Variants in CACNA2D2 observed in about 807,000 individuals in gnomAD.
CACNA2D2 encodes calcium voltage-gated channel auxiliary subunit alpha2delta 2.
Under a neutral mutation model 166.4 loss-of-function variants are expected in CACNA2D2, and 48 were observed. The ratio of observed to expected loss-of-function variants is 0.29; its 90% CI spans 0.23 to 0.37. CACNA2D2 has a LOEUF of 0.37. Among genes scored for constraint, CACNA2D2 ranks in the 10% least tolerant of loss-of-function variants. CACNA2D2 has a pLI of 1.00. For missense variants in CACNA2D2, 1,122 were observed against 1,433.0 expected, an observed-to-expected ratio of 0.78 and a Z score of 3.50; for synonymous variants, 561 against 573.7, an observed-to-expected ratio of 0.98 and a Z score of 0.32.
In CACNA2D2 at chr3:50,401,644, TAAAA is replaced by T. The variant is rs375253255; in HGVS notation, c.406-7480_406-7477del. On this transcript the variant is annotated intron_variant, in intron 3 of 37. Transcript: ENST00000424201. The stretch of plus-strand genomic sequence containing the variant: ...TTGTATTTTGCCAAGAGAGGACACT[TAAAA>T]AAACTCCCACTCTCTCTTATTACTG... Among the ~76,000 whole-genome samples, 190 of 152,208 alleles carry T rather than the reference TAAAA, an allele frequency of 1.2e-3. 1 individual carries two copies. Among genetic ancestry groups the T allele is most frequent in the African/African-American group, 4.2e-3 (175 of 41,536 alleles).
chr3:50,399,136 C>T (rs1706311700), intron 3 of CACNA2D2, among the ~76,000 whole-genome samples: 1 of 152,138 alleles, frequency 6.6e-6, no homozygotes, highest in African/African-American at 2.4e-5. Flanking sequence ...GGTGCCCCCA[C>T]CTTCTTAGAT....
At chr3:50,439,697 G>A (rs576388571) in intron 2 of CACNA2D2, among the ~76,000 whole-genome samples, 1 of 152,234 alleles carries the variant, frequency 6.6e-6, no homozygotes, top group African/African-American at 2.4e-5. Context: ...CCCTGGGGAG[G>A]GAACCACCTC....
intron 4 of CACNA2D2, among the ~76,000 whole-genome samples, chr3:50,391,517 G>A (rs1413304330): frequency 1.3e-5 from 2 of 152,240 alleles, no homozygotes; most frequent in Non-Finnish European, 2.9e-5. Flanking sequence ...GGCACTGCCT[G>A]CTAATCAGGG....
intron 2 of CACNA2D2, among the ~76,000 whole-genome samples, chr3:50,453,061 C>T (rs933718582): frequency 6.6e-6 from 1 of 152,184 alleles, no homozygotes; most frequent in African/African-American, 2.4e-5. Context: ...AGAGAGAAGG[C>T]TCAGTTCTCT....
At chr3:50,431,735 A>G (rs1261219025) in intron 3 of CACNA2D2, among the ~76,000 whole-genome samples, 1 of 152,146 alleles carries the variant, frequency 6.6e-6, no homozygotes, top group Non-Finnish European at 1.5e-5. Context: ...CTGTAATCCC[A>G]GCACTTTGGG....
intron 2 of CACNA2D2, among the ~76,000 whole-genome samples, chr3:50,461,042 G>C (rs984108603): frequency 4.0e-5 from 6 of 150,958 alleles, no homozygotes; most frequent in Non-Finnish European, 7.4e-5. Context: ...AATGAGAAGG[G>C]AGGAAACAGT....
chr3:50,393,081 G>C (rs570922976), intron 4 of CACNA2D2, among the ~76,000 whole-genome samples: 2 of 152,262 alleles, frequency 1.3e-5, no homozygotes, highest in East Asian at 1.9e-4. Context: ...GCATAGGCAT[G>C]AGCCCCTGAC....
intron 1 of CACNA2D2, among the ~76,000 whole-genome samples, chr3:50,480,553 C>T (rs1292479404): frequency 1.3e-5 from 2 of 151,746 alleles, no homozygotes; most frequent in Non-Finnish European, 2.9e-5. Flanking sequence ...AGATGACACC[C>T]TGAGTTGCAG....
chr3:50,373,449 G>A (rs1040169222), intron 22 of CACNA2D2, among the ~76,000 whole-genome samples: 1 of 143,084 alleles, frequency 7.0e-6, no homozygotes, highest in Non-Finnish European at 1.5e-5. Flanking sequence ...AGGGCATGCA[G>A]GGGTGAGCCA....
chr3:50,371,032 G>A (rs1250365861), intron 22 of CACNA2D2, among the ~76,000 whole-genome samples: 1 of 152,114 alleles, frequency 6.6e-6, no homozygotes, highest in Non-Finnish European at 1.5e-5. Flanking sequence ...TGCATTGTCG[G>A]GGCTGGTGGT....
intron 3 of CACNA2D2, among the ~76,000 whole-genome samples, chr3:50,431,333 C>G (rs754823271): frequency 6.6e-6 from 1 of 152,102 alleles, no homozygotes; most frequent in Admixed American, 6.5e-5. Context: ...CCTCCCCCTC[C>G]TCTGGGGATA....
chr3:50,492,439 G>A (rs968510154), intron 1 of CACNA2D2, among the ~76,000 whole-genome samples: 5 of 152,232 alleles, frequency 3.3e-5, no homozygotes, highest in Non-Finnish European at 7.3e-5. Flanking sequence ...TGAGGGCAGT[G>A]GCTGCTCCCC....
Position 50,378,015 on chromosome 3 carries a change from T to C in CACNA2D2, c.1472A>G (p.Asp491Gly). 6.2e-7 allele frequency: 1 copy of C among 1,613,626 alleles called. No homozygotes were observed. The highest frequency in any genetic ancestry group is 8.5e-7 in the Non-Finnish European group (1 of 1,179,920). Residue 491 changes from aspartate to glycine, a missense_variant, in exon 15 of 38, where the codon GAT becomes GGT. Asp to Gly is a moderately conservative substitution (Grantham distance 94). Transcript: ENST00000424201. ...CTTGTCCAGAGGCCTTACCAGTGCA[T>C]CCTCATACACGTTGGTCCACTGCAC... is the stretch of plus-strand genomic sequence containing the variant. ...KQVQWTNVYEDALGLGLVVTG... is the reference protein window; with the variant it reads ...KQVQWTNVYEGALGLGLVVTG...
At chr3:50,416,611 G>A (rs1241698724) in intron 3 of CACNA2D2, among the ~76,000 whole-genome samples, 2 of 152,242 alleles carry the variant, frequency 1.3e-5, no homozygotes, top group Non-Finnish European at 2.9e-5. Flanking sequence ...GGGCTGTGCA[G>A]AGGAATGTGG....
intron 3 of CACNA2D2, among the ~76,000 whole-genome samples, chr3:50,420,269 G>T (rs1707485648): frequency 6.6e-6 from 1 of 152,226 alleles, no homozygotes; most frequent in Non-Finnish European, 1.5e-5. Flanking sequence ...TCCATGCATG[G>T]TCCTCCCAGC....
intron 2 of CACNA2D2, among the ~76,000 whole-genome samples, chr3:50,467,128 C>T (rs1262933129): frequency 6.6e-6 from 1 of 152,154 alleles, no homozygotes; most frequent in East Asian, 1.9e-4. Flanking sequence ...CCTGGTGCCA[C>T]ACACCTGGGC....
intron 2 of CACNA2D2, among the ~76,000 whole-genome samples, chr3:50,440,361 G>T (rs1183128580): frequency 6.6e-6 from 1 of 152,272 alleles, no homozygotes; most frequent in Admixed American, 6.5e-5. Context: ...TTCATCAGCT[G>T]CTGACATTTT....
rs1383331776 is a variant in CACNA2D2, at chr3:50,381,240, C to T, written c.653-114G>A. 3.2e-6 allele frequency: 4 copies of T among 1,245,902 alleles called. No homozygotes were observed. In the East Asian group the frequency reaches 7.1e-5, roughly 22 times the overall value. 77.2% of individuals were successfully genotyped at this position (1,245,902 alleles called of 1,614,324 possible). A position where few individuals can be genotyped will look rare whatever the true frequency, so the allele number is the denominator to read the frequency against. On this transcript the variant is annotated intron_variant, in intron 6 of 37. Coordinates refer to ENST00000424201, the MANE Select transcript of CACNA2D2 (RefSeq NM_006030.4). ...TTAGAATCCCCCAACTGTTCTCGGC[C>T]TATCCAGGCCCTCCCTATTTCCTAG...
intron 3 of CACNA2D2, among the ~76,000 whole-genome samples, chr3:50,410,965 G>A (rs1375457030): frequency 1.3e-5 from 2 of 152,238 alleles, no homozygotes; most frequent in Non-Finnish European, 2.9e-5. Flanking sequence ...TCAGGCACAC[G>A]TGCATATGGT....
Sources: allele counts gnomAD v4.1 joint callset (sites outside exome capture counted in the v4.1 genomes callset), GRCh38; gene constraint gnomAD v4.1.1; transcripts MANE v1.5; gene names NCBI Gene and HGNC (gene_info 2026-07-23, HGNC 2026-07-21).